GRID2: variants seen among roughly 807,000 people sequenced by gnomAD.
The protein encoded by GRID2 is glutamate receptor ionotropic, delta-2.
A neutral mutation model predicts 114.8 loss-of-function variants in GRID2; 33 were observed. The observed-to-expected ratio is 0.29, with a 90% CI of 0.22 to 0.38. GRID2 has a LOEUF of 0.38. Among genes scored for constraint, GRID2 ranks in the 10% least tolerant of loss-of-function variants. The probability of loss-of-function intolerance (pLI) is 1.00; values close to 1 mark genes in which losing one functional copy is unlikely to be tolerated. For missense variants in GRID2, 1,184 were observed against 1,257.7 expected, an observed-to-expected ratio of 0.94 and a Z score of 0.89; for synonymous variants, 505 against 449.9, an observed-to-expected ratio of 1.12 and a Z score of -1.55.
intron 1 of GRID2, among the ~76,000 whole-genome samples, chr4:92,399,195 G>A (rs912495115): frequency 6.6e-6 from 1 of 152,118 alleles, no homozygotes; most frequent in African/African-American, 2.4e-5. Flanking sequence ...GCATCCTACC[G>A]TAATACAGGC....
chr4:92,485,879 T>C (rs1421251986), intron 1 of GRID2, among the ~76,000 whole-genome samples: 3 of 152,102 alleles, frequency 2.0e-5, no homozygotes, highest in Admixed American at 1.3e-4. Context: ...CATAAATAGC[T>C]TTCTAAAAAT....
intron 2 of GRID2, among the ~76,000 whole-genome samples, chr4:92,712,966 A>G (rs1046453694): frequency 6.6e-6 from 1 of 151,374 alleles, no homozygotes; most frequent in Non-Finnish European, 1.5e-5. Context: ...GATATTTTGG[A>G]TTTGCATTTG....
intron 14 of GRID2, among the ~76,000 whole-genome samples, chr4:93,744,708 G>A (rs1381550703): frequency 6.6e-6 from 1 of 152,174 alleles, no homozygotes; most frequent in African/African-American, 2.4e-5. Context: ...ACAGAGGCAG[G>A]GTTTGAGAGG....
intron 2 of GRID2, among the ~76,000 whole-genome samples, chr4:92,986,976 C>A (rs1321559426): frequency 6.6e-6 from 1 of 151,918 alleles, no homozygotes; most frequent in East Asian, 1.9e-4. Flanking sequence ...CTGAAATATT[C>A]CAGGAGTTAA....
chr4:93,332,332 A>G (rs969248392), intron 8 of GRID2, among the ~76,000 whole-genome samples: 3 of 121,594 alleles, frequency 2.5e-5, no homozygotes, highest in African/African-American at 1.1e-4. Context: ...GAGAACTGGG[A>G]ATGTTTGCAT....
At chr4:92,317,854 C>T (rs907913309) in intron 1 of GRID2, among the ~76,000 whole-genome samples, 2 of 152,082 alleles carry the variant, frequency 1.3e-5, no homozygotes, top group Non-Finnish European at 2.9e-5. Flanking sequence ...AAACTGCCCT[C>T]CAGGGGTAAT....
intron 8 of GRID2, 80 bp from the exon 9 acceptor site, chr4:93,395,527 T>C: frequency 1.4e-6 from 1 of 692,814 alleles, no homozygotes; most frequent in Non-Finnish European, 2.7e-6. Context: ...AGCTATCACA[T>C]AGTTCTCCAT....
chr4:93,794,074 A>G (rs1021762755), intron 1 of GRID2, among the ~76,000 whole-genome samples: 3 of 152,170 alleles, frequency 2.0e-5, no homozygotes, highest in African/African-American at 7.2e-5. Flanking sequence ...TCTTTAGGGA[A>G]TCTGTGAATG....
chr4:92,708,404 A>T (rs1579886742), intron 2 of GRID2, among the ~76,000 whole-genome samples: 1 of 152,228 alleles, frequency 6.6e-6, no homozygotes, highest in East Asian at 1.9e-4. Flanking sequence ...TTCCTGGGGG[A>T]TGGTAATACT....
intron 8 of GRID2, among the ~76,000 whole-genome samples, chr4:93,286,153 A>G (rs1352236719): frequency 6.6e-6 from 1 of 152,120 alleles, no homozygotes; most frequent in Non-Finnish European, 1.5e-5. Context: ...CAAACATAAT[A>G]GGATTATTAT....
At chr4:92,387,937 C>G (rs531218493) in intron 1 of GRID2, among the ~76,000 whole-genome samples, 1 of 152,114 alleles carries the variant, frequency 6.6e-6, no homozygotes, top group South Asian at 2.1e-4. Flanking sequence ...CCTTCCAAGT[C>G]TAGCTGGATT....
chr4:92,483,808 A>G (rs534686771), intron 1 of GRID2, among the ~76,000 whole-genome samples: 1 of 152,248 alleles, frequency 6.6e-6, no homozygotes, highest in East Asian at 1.9e-4. Flanking sequence ...AAAAAATTAA[A>G]ATGCCTCTTT....
intron 2 of GRID2, among the ~76,000 whole-genome samples, chr4:92,865,494 G>GCA (rs1335448393): frequency 6.6e-6 from 1 of 152,176 alleles, no homozygotes; most frequent in Non-Finnish European, 1.5e-5. Flanking sequence ...TTGTCAACAA[G>GCA]CACCTTTGTC....
At chr4:92,760,237 CAAAAAAAAAAA>C (rs982301426) in intron 2 of GRID2, among the ~76,000 whole-genome samples, 2 of 38,408 alleles carry the variant, frequency 5.2e-5, no homozygotes, top group Non-Finnish European at 1.0e-4. Flanking sequence ...GACTCTGTCT[CAAAAAAAAAAA>C]AAAAAAAAAA....
intron 2 of GRID2, among the ~76,000 whole-genome samples, chr4:92,607,431 C>T (rs992818358): frequency 2.6e-5 from 4 of 151,686 alleles, no homozygotes; most frequent in Admixed American, 2.0e-4. Flanking sequence ...TTTGTAGGAG[C>T]GTTATACTGT....
chr4:92,693,082 A>G (rs1160965221), intron 2 of GRID2, among the ~76,000 whole-genome samples: 1 of 151,632 alleles, frequency 6.6e-6, no homozygotes, highest in East Asian at 1.9e-4. Context: ...TATATACAAT[A>G]TATTATATTT....
chr4:92,340,475 C>A (rs1727426445), intron 1 of GRID2, among the ~76,000 whole-genome samples: 2 of 152,188 alleles, frequency 1.3e-5, no homozygotes, highest in African/African-American at 4.8e-5. Context: ...CTGCCACTCT[C>A]AGATGTGCTT....
intron 2 of GRID2, among the ~76,000 whole-genome samples, chr4:92,682,762 A>G (rs372428357): frequency 1.3e-5 from 2 of 151,864 alleles, no homozygotes; most frequent in Non-Finnish European, 1.5e-5. Flanking sequence ...GATATGTTGC[A>G]TATGGTGGAA....
chr4:92,871,756 G>A (rs1430230697), intron 2 of GRID2, among the ~76,000 whole-genome samples: 2 of 152,124 alleles, frequency 1.3e-5, no homozygotes, highest in Non-Finnish European at 2.9e-5. Context: ...GAGACACATT[G>A]CAACAAAATG....
Sources: allele counts gnomAD v4.1 joint callset (sites outside exome capture counted in the v4.1 genomes callset), GRCh38; gene constraint gnomAD v4.1.1; transcripts MANE v1.5; gene names NCBI Gene and HGNC (gene_info 2026-07-23, HGNC 2026-07-21).